Variants in ESD observed in about 807,000 individuals in gnomAD.
ESD encodes the protein esterase D.
In ESD, 34 loss-of-function variants were observed where a neutral mutation model predicts 38.1. That is an observed-to-expected ratio of 0.89 (90% CI 0.68 to 1.19). ESD has a LOEUF of 1.19. ESD is among the 50% of genes most tolerant of loss of function. ESD has a pLI of 0.00. For synonymous variants in ESD, 97 were observed against 107.0 expected, an observed-to-expected ratio of 0.91 and a Z score of 0.58; for missense variants, 334 against 327.2, an observed-to-expected ratio of 1.02 and a Z score of -0.16.
rs200129203 is a variant in ESD, at chr13:46,792,370, T to C, written c.-7-950A>G. Among the ~76,000 whole-genome samples the C allele has an allele frequency of 1.1e-4, 16 of 152,216 alleles. No individual in the cohort carries two copies. The East Asian group carries it at 2.9e-3, about 27-fold the overall frequency. Reference sequence around the variant, plus strand: ...AATGCACTACTACATGCTAATCAGCTGGAGCTTTAGGATTACTCTTTCAAA... The same window carrying C: ...AATGCACTACTACATGCTAATCAGCCGGAGCTTTAGGATTACTCTTTCAAA... On this transcript the variant is annotated intron_variant, in intron 2 of 9. Coordinates refer to ENST00000378720, the MANE Select transcript of ESD (RefSeq NM_001984.2).
Position 46,775,678 on chromosome 13 carries a change from C to T in ESD, c.768+1778G>A, listed in dbSNP as rs752372709. On this transcript the variant is annotated intron_variant, in intron 9 of 9. Transcript: ENST00000378720. ...TCCGCTTCAAGCTATGTAGTCCACT[C>T]TTAACCCGACCATGCTGGAAGTAAA... is the stretch of plus-strand genomic sequence containing the variant. 6.5e-4 allele frequency: 306 copies of T among 470,258 alleles called. 2 individuals carry two copies. In the Admixed American group the frequency reaches 7.0e-3, roughly 11 times the overall value. 29.1% of individuals were successfully genotyped at this position (470,258 alleles called of 1,614,324 possible).
rs370613852 is a variant in ESD at position 46,791,341 on chromosome 13, G to A, written c.68+5C>T. ...TATCTAAAATTATATCTTCTTAATA[G>A]TTACCTGTCATGTTCAAAAACTTTC... On this transcript the variant is annotated splice_donor_5th_base_variant and intron_variant, in intron 3 of 9. Transcript: ENST00000378720. 1.2e-6 allele frequency: 2 copies of A among 1,605,616 alleles called. No homozygotes were observed. The highest frequency in any genetic ancestry group is 2.2e-5 in the East Asian group (1 of 44,724).
Position 46,771,454 on chromosome 13 carries a change from C to A in ESD, c.811G>T (p.Asp271Tyr). 1 of 1,606,570 alleles carries A rather than the reference C, an allele frequency of 6.2e-7. No homozygotes were observed. Among genetic ancestry groups the A allele is most frequent in the South Asian group, 1.1e-5 (1 of 90,588 alleles). The change falls in exon 10 of 10, where the codon GAC becomes TAC. Residue 271 changes from aspartate (D) to tyrosine (Y), a missense_variant. Physicochemically the swap from Asp to Tyr is radical, Grantham distance 160 (BLOSUM62 -3). Transcript: ENST00000378720. ...SYYFIATFIT[D>Y]HIRHHAKYLN... Reference sequence around the variant, plus strand: ...TATTTAGCATGATGTCTGATGTGGTCAGTAATAAAGGTTGCAATGAAGTAG... The same window carrying A: ...TATTTAGCATGATGTCTGATGTGGTAAGTAATAAAGGTTGCAATGAAGTAG...
Position 46,789,928 on chromosome 13 carries a change from G to T in ESD, c.68+1418C>A, listed in dbSNP as rs189563882. Among the ~76,000 whole-genome samples, 176 of 151,612 alleles carry T rather than the reference G, an allele frequency of 1.2e-3. 1 individual carries two copies. Among genetic ancestry groups the T allele is most frequent in the African/African-American group, 4.0e-3 (165 of 41,360 alleles). ...CCTCCCAGGTTCAAGCAATTCTCCT[G>T]CCTCAGCCTCCTAAGTAGCTGGGAC... On this transcript the variant is annotated intron_variant, in intron 3 of 9. Transcript: ENST00000378720.
At chr13:46,788,540 G>T (rs1035216056) in intron 3 of ESD, among the ~76,000 whole-genome samples, 1 of 151,870 alleles carries the variant, frequency 6.6e-6, no homozygotes, top group African/African-American at 2.4e-5. Context: ...TTAAACATTT[G>T]TTAAGAGGGT....
intron 3 of ESD, 96 bp downstream of exon 3, chr13:46,791,250 G>T: frequency 1.2e-6 from 1 of 830,098 alleles, no homozygotes; most frequent in South Asian, 1.7e-5. Flanking sequence ...AAAGTAAAAT[G>T]AGGTACTATA....
At chr13:46,780,829 G>C (rs537615670) in intron 7 of ESD, among the ~76,000 whole-genome samples, 1 of 151,746 alleles carries the variant, frequency 6.6e-6, no homozygotes, top group East Asian at 1.9e-4. Context: ...CTTCCTAAGA[G>C]GAGGAAATGA....
In ESD at chr13:46,791,836, ATG is replaced by A. The variant is rs201920130; in HGVS notation, c.-7-418_-7-417del. 4.1e-3 allele frequency among the ~76,000 whole-genome samples: 625 copies of A among 152,166 alleles called. 6 individuals carry two copies. Among genetic ancestry groups the A allele is most frequent in the African/African-American group, 0.011 (464 of 41,572 alleles). On this transcript the variant is annotated intron_variant, in intron 2 of 9. Transcript: ENST00000378720. The stretch of plus-strand genomic sequence containing the variant: ...ATGACTGATTATAGTTGATTTTAAA[ATG>A]GAAGAAAGATGTGATAATGATTTTG...
chr13:46,777,462 C>T lies in ESD; in HGVS notation c.762G>A (p.Leu254=), dbSNP rs2138286305. ...TEKKIPVVFR[L]QEGYDHSYYF... ...AAAGTTTCCTAATACTTGCCTCTTG[C>T]AATCGAAAAACAACGGGGATTTTCT... is the stretch of plus-strand genomic sequence containing the variant. The change falls in exon 9 of 10, where the codon TTG becomes TTA. Residue 254 remains leucine, a synonymous_variant. Coordinates refer to ENST00000378720, the MANE Select transcript of ESD (RefSeq NM_001984.2). 4 of 1,601,584 alleles carry T rather than the reference C, an allele frequency of 2.5e-6. No individual in the cohort carries two copies. Among genetic ancestry groups the T allele is most frequent in the Non-Finnish European group, 3.4e-6 (4 of 1,172,476 alleles).
At chr13:46,788,932 G>A (rs1014986694) in intron 3 of ESD, among the ~76,000 whole-genome samples, 1 of 151,802 alleles carries the variant, frequency 6.6e-6, no homozygotes, top group African/African-American at 2.4e-5. Context: ...CAGTACTGCC[G>A]AACAGAACTT....
chr13:46,776,627 A>G (rs1438145581), intron 9 of ESD: 1 of 152,120 alleles, frequency 6.6e-6, no homozygotes, highest in African/African-American at 2.4e-5. Context: ...ACAATGAGTT[A>G]ATGCTGTGAA....
chr13:46,777,372 AAAAT>A (rs1302130984), intron 9 of ESD, 80 bp downstream of exon 9: 3 of 1,122,458 alleles, frequency 2.7e-6, no homozygotes, highest in African/African-American at 1.6e-5. Context: ...TTTATATTCT[AAAAT>A]AAAGTTAAGA....
At chr13:46,780,528 G>A (rs1874961710) in intron 7 of ESD, among the ~76,000 whole-genome samples, 1 of 151,626 alleles carries the variant, frequency 6.6e-6, no homozygotes, top group Non-Finnish European at 1.5e-5. Flanking sequence ...ATGAGATGCA[G>A]AGATGGGATC....
At chr13:46,782,980 C>T (rs763022396) in intron 5 of ESD, among the ~76,000 whole-genome samples, 189 bp from the exon 6 acceptor site, 1 of 151,884 alleles carries the variant, frequency 6.6e-6, no homozygotes, top group Non-Finnish European at 1.5e-5. Context: ...TGGGGCCCTG[C>T]GACTCGTTCT....
chr13:46,782,876 C>T, intron 5 of ESD, 85 bp from the exon 6 acceptor site: 1 of 1,484,954 alleles, frequency 6.7e-7, no homozygotes, highest in South Asian at 1.2e-5. Context: ...ATCTGCAAGT[C>T]CATTTGCATG....
At position 46,777,574 on chromosome 13, in the gene ESD, T is replaced by C. The variant is rs762996843; in HGVS notation, c.650A>G (p.Asp217Gly). 248 of 1,610,444 alleles carry C rather than the reference T, an allele frequency of 1.5e-4. No homozygotes were observed. The highest frequency in any genetic ancestry group is 2.0e-4 in the Non-Finnish European group (233 of 1,177,818). Residue 217 changes from aspartate (D) to glycine (G), a missense_variant, in exon 9 of 10, where the codon GAC becomes GGC. Asp to Gly is a moderately conservative substitution (Grantham distance 94). Transcript: ENST00000378720. ...ATCTTTCCCTTGATCAATTAGTATG[T>C]CCAGCTGAGATCCTGGATAGGATTT... The part of the protein sequence containing the change: ...LVKSYPGSQL[D>G]ILIDQGKDDQ...
intron 5 of ESD, 120 bp downstream of exon 5, chr13:46,784,132 G>A: frequency 1.4e-6 from 1 of 727,722 alleles, no homozygotes. Flanking sequence ...CCACTTGAAA[G>A]GTTAATAGAG....
intron 1 of ESD, among the ~76,000 whole-genome samples, chr13:46,795,288 T>A (rs1276097390): frequency 6.6e-6 from 1 of 152,250 alleles, no homozygotes; most frequent in Non-Finnish European, 1.5e-5. Context: ...CTTAATTTAC[T>A]GGTCAACGGA....
intron 9 of ESD, among the ~76,000 whole-genome samples, chr13:46,772,081 G>T (rs1273101244): frequency 6.6e-6 from 1 of 152,156 alleles, no homozygotes; most frequent in East Asian, 1.9e-4. Context: ...TTCTATCATT[G>T]TTGGGAAGTC....
Sources: allele counts gnomAD v4.1 joint callset (sites outside exome capture counted in the v4.1 genomes callset), GRCh38; gene constraint gnomAD v4.1.1; transcripts MANE v1.5; gene names NCBI Gene and HGNC (gene_info 2026-07-23, HGNC 2026-07-21).